OPN5: variants seen among roughly 807,000 people sequenced by gnomAD.
OPN5 encodes the protein opsin 5, also known as opsin-5.
In OPN5, 18 loss-of-function variants were observed where a neutral mutation model predicts 41.7. The observed-to-expected ratio is 0.43, with a 90% CI of 0.30 to 0.64. The LOEUF is 0.64. Ranked by LOEUF, OPN5 falls within the 30% of genes least tolerant of loss-of-function variation. The pLI is 0.13. For missense variants in OPN5, 318 were observed against 434.5 expected (o/e 0.73, Z 2.38); for synonymous variants, 178 against 164.3 (o/e 1.08, Z -0.64).
chr6:47,808,508 T>C, intron 5 of OPN5, 113 bp downstream of exon 5: 1 of 1,162,800 alleles, frequency 8.6e-7, no homozygotes, highest in Non-Finnish European at 1.2e-6. Flanking sequence ...CGCCTAGGAG[T>C]AGTGTAGGAA....
At chr6:47,790,353 C>A (rs1404071981) in intron 2 of OPN5, among the ~76,000 whole-genome samples, 1 of 152,094 alleles carries the variant, frequency 6.6e-6, no homozygotes, top group South Asian at 2.1e-4. Flanking sequence ...CTTAATATTT[C>A]TTTCCCTAAA....
intron 4 of OPN5, among the ~76,000 whole-genome samples, chr6:47,806,762 A>G (rs1399566539): frequency 6.6e-6 from 1 of 152,118 alleles, no homozygotes; most frequent in Non-Finnish European, 1.5e-5. Flanking sequence ...TGAATTGCTC[A>G]CTGGTTCCTA....
exon 4 of OPN5, chr6:47,795,272 C>G: frequency 6.2e-7 from 1 of 1,611,744 alleles, no homozygotes; most frequent in South Asian, 1.1e-5. Context: ...GCCTGGCAGC[C>G]ATCTGGGCCT....
At chr6:47,796,127 G>A (rs907034163) in intron 4 of OPN5, among the ~76,000 whole-genome samples, 1 of 152,098 alleles carries the variant, frequency 6.6e-6, no homozygotes, top group African/African-American at 2.4e-5. Flanking sequence ...AGTTCTTTAG[G>A]TATTGTGGAG....
At chr6:47,814,561 C>T (rs1403691140) in intron 6 of OPN5, among the ~76,000 whole-genome samples, 1 of 152,012 alleles carries the variant, frequency 6.6e-6, no homozygotes, top group Non-Finnish European at 1.5e-5. Flanking sequence ...AATCTGAGAG[C>T]TGGGAGGCAC....
chr6:47,798,982 T>A (rs1773668964), intron 4 of OPN5, among the ~76,000 whole-genome samples: 1 of 152,154 alleles, frequency 6.6e-6, no homozygotes, highest in African/African-American at 2.4e-5. Flanking sequence ...GAGATCAAAA[T>A]CATTTAGTTT....
chr6:47,820,504 C>T (rs1762588716), intron 6 of OPN5, among the ~76,000 whole-genome samples: 1 of 152,140 alleles, frequency 6.6e-6, no homozygotes, highest in South Asian at 2.1e-4. Flanking sequence ...AATTCTATTT[C>T]CTTGCTTGAT....
intron 3 of OPN5, 77 bp from the exon 4 acceptor site, chr6:47,795,152 G>A: frequency 9.3e-7 from 1 of 1,077,976 alleles, no homozygotes. Context: ...CTTTGGAGGT[G>A]GAATTTGACA....
intron 4 of OPN5, among the ~76,000 whole-genome samples, chr6:47,807,489 T>G (rs1774018656): frequency 6.6e-6 from 1 of 152,194 alleles, no homozygotes; most frequent in Non-Finnish European, 1.5e-5. Context: ...CTAATTATTC[T>G]TTGGTCTGAA....
chr6:47,806,386 C>G (rs1773964697), intron 4 of OPN5, among the ~76,000 whole-genome samples: 1 of 152,112 alleles, frequency 6.6e-6, no homozygotes, highest in African/African-American at 2.4e-5. Flanking sequence ...AGTCTCAATA[C>G]TCTAATTTCT....
intron 6 of OPN5, among the ~76,000 whole-genome samples, chr6:47,819,272 T>C (rs1581762760): frequency 6.9e-6 from 1 of 144,176 alleles, no homozygotes; most frequent in East Asian, 2.2e-4. Flanking sequence ...CTAAATTTAC[T>C]GGGTAGTGGC....
chr6:47,791,795 G>A lies in OPN5; in HGVS notation c.251-7G>A. 1 of 1,613,610 alleles carries A rather than the reference G, an allele frequency of 6.2e-7. No individual in the cohort carries two copies. Among genetic ancestry groups the A allele is most frequent in the East Asian group, 2.2e-5 (1 of 44,888 alleles). On this transcript the variant is annotated splice_polypyrimidine_tract_variant and splice_region_variant and intron_variant, in intron 2 of 6. Transcript: ENST00000371211. ...AACGTCTGTTGACAAGTCACTTGGTGCTCTAGTTGTAGGCAAGCCGTTCAC... is the reference window on the plus strand; with the variant it reads ...AACGTCTGTTGACAAGTCACTTGGTACTCTAGTTGTAGGCAAGCCGTTCAC...
At chr6:47,815,411 A>G (rs187527587) in intron 6 of OPN5, among the ~76,000 whole-genome samples, 74 of 152,254 alleles carry the variant, frequency 4.9e-4, no homozygotes, top group African/African-American at 1.8e-3. Flanking sequence ...AGGAGAGGGA[A>G]AGAGGAAGAG....
intron 4 of OPN5, among the ~76,000 whole-genome samples, chr6:47,807,125 C>G (rs1774000916): frequency 6.6e-6 from 1 of 152,184 alleles, no homozygotes; most frequent in South Asian, 2.1e-4. Flanking sequence ...CCACTGCATT[C>G]CAGCCTGGGC....
chr6:47,812,601 G>T (rs1365197352), intron 6 of OPN5, among the ~76,000 whole-genome samples: 1 of 152,102 alleles, frequency 6.6e-6, no homozygotes, highest in Non-Finnish European at 1.5e-5. Context: ...AAAAGCTTCT[G>T]AAAGGAGAAG....
At chr6:47,819,379 A>AATATATATATATATATATATATATAT (rs544310153) in intron 6 of OPN5, among the ~76,000 whole-genome samples, 9 of 97,428 alleles carry the variant, frequency 9.2e-5, no homozygotes, top group East Asian at 3.5e-4. Flanking sequence ...TATAAGTAGA[A>AATATATATATATATATATATATATAT]ATATATATAT....
At chr6:47,820,491 A>C (rs897526698) in intron 6 of OPN5, among the ~76,000 whole-genome samples, 1 of 152,208 alleles carries the variant, frequency 6.6e-6, no homozygotes, top group Non-Finnish European at 1.5e-5. Flanking sequence ...GGTCTCTTAC[A>C]ATAATTCTAT....
intron 5 of OPN5, among the ~76,000 whole-genome samples, chr6:47,810,380 T>C (rs1328157598): frequency 3.3e-5 from 5 of 152,166 alleles, no homozygotes; most frequent in Admixed American, 3.3e-4. Flanking sequence ...TTTTTATCTT[T>C]ACAAAGAAGC....
At chr6:47,825,136 G>A (rs2114024360), downstream of OPN5, 1 of 152,252 alleles carries the variant, frequency 6.6e-6, no homozygotes, top group South Asian at 2.1e-4. Flanking sequence ...GTTGGGAAAT[G>A]CCTAATGCAT....
Sources: gnomAD v4.1 joint callset for allele counts (sites outside exome capture counted in the v4.1 genomes callset) on GRCh38, gnomAD v4.1.1 for gene constraint, MANE v1.5 for transcripts, NCBI Gene and HGNC (gene_info 2026-07-23, HGNC 2026-07-21) for gene names.